Variants in LSAMP observed in about 807,000 individuals in gnomAD.
The protein encoded by LSAMP is limbic system associated membrane protein.
A neutral mutation model predicts 38.6 loss-of-function variants in LSAMP; 7 were observed. The observed-to-expected ratio is 0.18, with a 90% CI of 0.10 to 0.34. The LOEUF is 0.34. Among genes scored for constraint, LSAMP ranks in the 10% least tolerant of loss-of-function variants. The pLI is 1.00. For missense variants in LSAMP, 313 were observed against 420.0 expected (o/e 0.75, Z 2.23); for synonymous variants, 154 against 166.8 (o/e 0.92, Z 0.59).
chr3:115,967,654 C>T (rs1335316581), intron 3 of LSAMP, among the ~76,000 whole-genome samples: 1 of 152,112 alleles, frequency 6.6e-6, no homozygotes, highest in African/African-American at 2.4e-5. Context: ...TATATTTTGA[C>T]GTGGCTGGGG....
At position 115,802,496 on chromosome 3, in the gene LSAMP, GAAA is replaced by G. The variant is rs1933535923; in HGVS notation, c.*7818_*7820del. ...AATTTAAATACATTTAAAAAGAAAA[GAAA>G]AAAAGCTTTTTTTCATTTTAATTTT... is the stretch of plus-strand genomic sequence containing the variant. On this transcript the variant is annotated 3_prime_UTR_variant, in exon 7 of 7. Coordinates refer to ENST00000490035, the MANE Select transcript of LSAMP (RefSeq NM_002338.5). 1.3e-5 allele frequency: 2 copies of G among 149,380 alleles called. No individual in the cohort carries two copies. The highest frequency in any genetic ancestry group is 1.3e-4 in the Admixed American group (2 of 15,052). 9.3% of individuals were successfully genotyped at this position (149,380 alleles called of 1,614,324 possible). A position where few individuals can be genotyped will look rare whatever the true frequency, so the allele number is the denominator to read the frequency against.
At chr3:115,890,069 A>G (rs1936557531) in intron 3 of LSAMP, among the ~76,000 whole-genome samples, 1 of 151,932 alleles carries the variant, frequency 6.6e-6, no homozygotes, top group African/African-American at 2.4e-5. Context: ...TTCATTCTCT[A>G]TAGCAGTAAA....
At chr3:116,134,559 A>G (rs551802867) in intron 1 of LSAMP, among the ~76,000 whole-genome samples, 1 of 152,300 alleles carries the variant, frequency 6.6e-6, no homozygotes, top group Admixed American at 6.5e-5. Context: ...GGACTTCCTC[A>G]TCAGGCTTGT....
At chr3:116,276,522 AG>A (rs897624482) in intron 1 of LSAMP, among the ~76,000 whole-genome samples, 5 of 142,908 alleles carry the variant, frequency 3.5e-5, no homozygotes, top group Non-Finnish European at 6.2e-5. Context: ...GGGGACTTGC[AG>A]GGAAGGGTGG....
intron 2 of LSAMP, among the ~76,000 whole-genome samples, chr3:116,034,682 T>C (rs991899173): frequency 6.6e-6 from 1 of 152,184 alleles, no homozygotes; most frequent in Non-Finnish European, 1.5e-5. Flanking sequence ...TCATTAATTA[T>C]ACAGCCATCA....
intron 3 of LSAMP, among the ~76,000 whole-genome samples, chr3:115,943,932 G>T (rs1055990971): frequency 6.6e-6 from 1 of 152,176 alleles, no homozygotes; most frequent in Non-Finnish European, 1.5e-5. Flanking sequence ...GTAACAGGCT[G>T]ATTTAGAAAC....
intron 1 of LSAMP, among the ~76,000 whole-genome samples, chr3:116,348,812 CTTTTA>C (rs2048098056): frequency 6.6e-6 from 1 of 152,060 alleles, no homozygotes. Context: ...GCAACAAATA[CTTTTA>C]TTTATTATTG....
intron 1 of LSAMP, among the ~76,000 whole-genome samples, chr3:116,293,259 T>G (rs1465125356): frequency 6.6e-6 from 1 of 152,212 alleles, no homozygotes; most frequent in East Asian, 1.9e-4. Flanking sequence ...GTATCTGATA[T>G]CCATATAAGG....
At chr3:116,274,710 T>A (rs1366448252) in intron 1 of LSAMP, among the ~76,000 whole-genome samples, 2 of 152,080 alleles carry the variant, frequency 1.3e-5, no homozygotes, top group Non-Finnish European at 2.9e-5. Context: ...TTGGCTTTTT[T>A]TTTTCTTTTC....
intron 1 of LSAMP, among the ~76,000 whole-genome samples, chr3:116,383,604 A>G (rs1043669508): frequency 3.9e-5 from 6 of 152,142 alleles, no homozygotes; most frequent in African/African-American, 1.4e-4. Context: ...AATAAATGGA[A>G]ATAGGATGAA....
At chr3:115,810,849 C>A (rs3772946) in intron 6 of LSAMP, among the ~76,000 whole-genome samples, 40,551 of 151,910 alleles carry the variant, frequency 0.27, 5,469 homozygotes, top group African/African-American at 0.3. Context: ...GCATCTCCAC[C>A]AATAAAGCAT....
chr3:116,022,966 C>T (rs945408814), intron 2 of LSAMP, among the ~76,000 whole-genome samples: 1 of 151,856 alleles, frequency 6.6e-6, no homozygotes, highest in Non-Finnish European at 1.5e-5. Flanking sequence ...ATTGTCTAAG[C>T]AAAAAAAGCA....
chr3:116,423,644 C>T lies in LSAMP; in HGVS notation c.155+21233G>A, dbSNP rs1278108192. Among the ~76,000 whole-genome samples, 5 of 152,306 alleles carry T rather than the reference C, an allele frequency of 3.3e-5. 1 individual carries two copies. The highest frequency in any genetic ancestry group is 2.1e-4 in the South Asian group (1 of 4,830). Reference sequence around the variant, plus strand: ...AAATAAATACACTGGGAATACTCCACGGTCCCTGGCTGAATACAAAGCAGT... The same window carrying T: ...AAATAAATACACTGGGAATACTCCATGGTCCCTGGCTGAATACAAAGCAGT... On this transcript the variant is annotated intron_variant, in intron 1 of 6. Coordinates refer to ENST00000490035, the MANE Select transcript of LSAMP (RefSeq NM_002338.5).
intron 6 of LSAMP, among the ~76,000 whole-genome samples, chr3:115,836,798 G>T (rs963350784): frequency 1.3e-5 from 2 of 152,214 alleles, no homozygotes; most frequent in African/African-American, 4.8e-5. Flanking sequence ...TGGTTAAAAG[G>T]CTTTGCCAAG....
intron 1 of LSAMP, among the ~76,000 whole-genome samples, chr3:116,344,630 G>C (rs2048040231): frequency 6.6e-6 from 1 of 152,022 alleles, no homozygotes; most frequent in Non-Finnish European, 1.5e-5. Context: ...CACCCCAAAT[G>C]ATCTCAACTC....
At chr3:116,239,483 A>G (rs2046504884) in intron 1 of LSAMP, among the ~76,000 whole-genome samples, 1 of 152,234 alleles carries the variant, frequency 6.6e-6, no homozygotes, top group South Asian at 2.1e-4. Context: ...ATTCCTGAAC[A>G]GTGTTTGTAA....
At chr3:115,851,528 T>C (rs1559850346) in intron 4 of LSAMP, among the ~76,000 whole-genome samples, 2 of 152,272 alleles carry the variant, frequency 1.3e-5, no homozygotes, top group South Asian at 4.1e-4. Flanking sequence ...TTATATAAAA[T>C]CTCTGGCACA....
chr3:116,114,651 G>A (rs1001092695), intron 1 of LSAMP, among the ~76,000 whole-genome samples: 3 of 152,054 alleles, frequency 2.0e-5, no homozygotes, highest in Non-Finnish European at 2.9e-5. Flanking sequence ...AAATACTAAC[G>A]TTGCTTTTAT....
At chr3:115,921,857 T>C (rs1396143244) in intron 3 of LSAMP, among the ~76,000 whole-genome samples, 1 of 152,166 alleles carries the variant, frequency 6.6e-6, no homozygotes, top group Non-Finnish European at 1.5e-5. Context: ...TTTCTGTTAG[T>C]ACTTCACATA....
Sources: allele counts gnomAD v4.1 joint callset (sites outside exome capture counted in the v4.1 genomes callset), GRCh38; gene constraint gnomAD v4.1.1; transcripts MANE v1.5; gene names NCBI Gene and HGNC (gene_info 2026-07-23, HGNC 2026-07-21).